Variants in TTC39C observed in about 807,000 individuals in gnomAD.
TTC39C encodes tetratricopeptide repeat protein 39C.
In TTC39C, 33 loss-of-function variants were observed where a neutral mutation model predicts 76.3. That is an observed-to-expected ratio of 0.43 (90% confidence interval 0.33 to 0.58). The LOEUF (loss-of-function observed/expected upper bound fraction) is 0.58, where lower values mean the gene tolerates loss of function less well. Ranked by LOEUF, TTC39C falls within the 20% of genes least tolerant of loss-of-function variation. The probability of loss-of-function intolerance (pLI) is 0.04; values close to 1 mark genes in which losing one functional copy is unlikely to be tolerated. For missense variants in TTC39C, 595 were observed against 701.4 expected (o/e 0.85, Z 1.71); for synonymous variants, 254 against 260.6 (o/e 0.97, Z 0.24).
chr18:24,029,273 T>C (rs928567295), intron 1 of TTC39C, among the ~76,000 whole-genome samples: 1 of 152,128 alleles, frequency 6.6e-6, no homozygotes, highest in Non-Finnish European at 1.5e-5. Context: ...TGGCTAAGTT[T>C]TGTATTTTTA....
chr18:24,021,490 T>C lies in TTC39C; in HGVS notation c.167+6452T>C, dbSNP rs548294541. Among the ~76,000 whole-genome samples the C allele has an allele frequency of 7.2e-5, 11 of 152,144 alleles. No individual in the cohort carries two copies. In the East Asian group the frequency reaches 1.9e-3, roughly 27 times the overall value. ...GTAGGAAGAGAAAGTCATGCCTCCT[T>C]GAAGTGGATTTGATGATTGAGCTGG... On this transcript the variant is annotated intron_variant, in intron 1 of 13. Transcript: ENST00000317571.
intron 1 of TTC39C, among the ~76,000 whole-genome samples, chr18:24,050,563 CAAAAA>C (rs67885761): frequency 1.3e-5 from 1 of 77,104 alleles, no homozygotes; most frequent in Non-Finnish European, 2.4e-5. Flanking sequence ...GACCCTGTCT[CAAAAA>C]AAAAAAAAAA....
chr18:24,091,543 A>G (rs954619426), intron 6 of TTC39C, among the ~76,000 whole-genome samples: 1 of 152,228 alleles, frequency 6.6e-6, no homozygotes, highest in Non-Finnish European at 1.5e-5. Context: ...TGTAAGATCT[A>G]AAACTGTAGA....
chr18:24,044,920 C>T (rs566066821), intron 1 of TTC39C, among the ~76,000 whole-genome samples: 1 of 152,218 alleles, frequency 6.6e-6, no homozygotes, highest in African/African-American at 2.4e-5. Flanking sequence ...CCTTGCTAGT[C>T]TAAGTGTGCT....
chr18:24,069,077 T>C (rs2084204487), intron 3 of TTC39C, 80 bp from the exon 4 acceptor site: 1 of 1,184,114 alleles, frequency 8.4e-7, no homozygotes, highest in Non-Finnish European at 1.2e-6. Flanking sequence ...AATTATCTTG[T>C]ACAATAACCT....
chr18:24,114,531 T>C (rs2084866839), intron 6 of TTC39C, 23 bp from the exon 7 acceptor site: 2 of 1,565,658 alleles, frequency 1.3e-6, no homozygotes, highest in Non-Finnish European at 1.8e-6. Context: ...TAGCTGGTAA[T>C]TCTGTTTTCC....
chr18:23,999,704 G>C (rs928815559), intron 1 of TTC39C, among the ~76,000 whole-genome samples: 78 of 152,212 alleles, frequency 5.1e-4, no homozygotes, highest in Non-Finnish European at 2.4e-4. Flanking sequence ...CACCCTGTGG[G>C]GAAGCAGCAT....
chr18:24,106,435 G>A (rs1476625891), intron 6 of TTC39C, among the ~76,000 whole-genome samples: 1 of 151,338 alleles, frequency 6.6e-6, no homozygotes, highest in East Asian at 2.0e-4. Flanking sequence ...ACTCTCAGGG[G>A]AGGCTGCAGG....
At chr18:24,101,703 G>C (rs1318374875) in intron 6 of TTC39C, among the ~76,000 whole-genome samples, 1 of 152,142 alleles carries the variant, frequency 6.6e-6, no homozygotes, top group East Asian at 1.9e-4. Flanking sequence ...CACATATTAG[G>C]TCTTCTCGGC....
chr18:24,079,357 C>T (rs1380224433), intron 4 of TTC39C, among the ~76,000 whole-genome samples: 4 of 152,178 alleles, frequency 2.6e-5, no homozygotes, highest in Non-Finnish European at 5.9e-5. Context: ...AGGGTCCTGA[C>T]AGGGGCCAGT....
chr18:23,997,199 C>T (rs2083268447), intron 1 of TTC39C, among the ~76,000 whole-genome samples: 1 of 151,972 alleles, frequency 6.6e-6, no homozygotes, highest in Non-Finnish European at 1.5e-5. Context: ...GGAAGATTGC[C>T]TGAGGCCAGG....
At chr18:24,014,418 G>C (rs543628697), upstream of TTC39C, 1 of 153,778 alleles carries the variant, frequency 6.5e-6, no homozygotes, top group Non-Finnish European at 1.4e-5. Context: ...TCGGGTCTCC[G>C]GGTCTCGCGT....
Position 24,014,882 on chromosome 18 carries a change from C to G in TTC39C, c.11C>G (p.Ser4Trp), listed in dbSNP as rs1461385169. 1 of 1,424,078 alleles carries G rather than the reference C, an allele frequency of 7.0e-7. No homozygotes were observed. Among genetic ancestry groups the G allele is most frequent in the Non-Finnish European group, 9.2e-7 (1 of 1,091,138 alleles). 88.2% of individuals were successfully genotyped at this position (1,424,078 alleles called of 1,614,324 possible). A position where few individuals can be genotyped will look rare whatever the true frequency, so the allele number is the denominator to read the frequency against. The change falls in exon 1 of 14, where the codon TCG (serine) becomes TGG (tryptophan). Residue 4 changes from serine (S) to tryptophan (W), a missense_variant. Physicochemically the swap from Ser to Trp is radical, Grantham distance 177. Coordinates refer to ENST00000317571, the MANE Select transcript of TTC39C (RefSeq NM_001135993.2). Reference sequence around the variant, plus strand: ...GGGCCTCGCACGCCCATGGCCGGCTCGGAGCAGCAGCGGCCGCGGCGGCGG... The same window carrying G: ...GGGCCTCGCACGCCCATGGCCGGCTGGGAGCAGCAGCGGCCGCGGCGGCGG... MAG[S>W]EQQRPRRRDD...
At chr18:24,044,569 G>A (rs1368413961) in intron 1 of TTC39C, among the ~76,000 whole-genome samples, 3 of 152,174 alleles carry the variant, frequency 2.0e-5, no homozygotes, top group Non-Finnish European at 2.9e-5. Context: ...GGAGGTTGGT[G>A]TGACAGGAAC....
chr18:24,085,507 T>A (rs1007799014), intron 6 of TTC39C, among the ~76,000 whole-genome samples: 1 of 152,248 alleles, frequency 6.6e-6, no homozygotes, highest in Non-Finnish European at 1.5e-5. Flanking sequence ...CTAATTCCTA[T>A]AGAGGATTGA....
At chr18:24,046,045 T>C (rs1438345436) in intron 1 of TTC39C, among the ~76,000 whole-genome samples, 3 of 145,742 alleles carry the variant, frequency 2.1e-5, no homozygotes, top group Non-Finnish European at 4.5e-5. Context: ...TTCACGCCAT[T>C]CTCCTGTCTC....
chr18:24,045,913 A>ATTT (rs1215323392), intron 1 of TTC39C, among the ~76,000 whole-genome samples: 1 of 41,406 alleles, frequency 2.4e-5, no homozygotes, highest in African/African-American at 1.3e-4. Context: ...ATATATATAT[A>ATTT]TATATATATA....
chr18:24,132,704 A>G lies in TTC39C; in HGVS notation c.*130A>G. The G allele has an allele frequency of 1.6e-6, 1 of 627,176 alleles. No individual in the cohort carries two copies. The allele number at this position is 627,176 out of a possible 1,614,324, so 38.9% of individuals were successfully genotyped here. On this transcript the variant is annotated 3_prime_UTR_variant, in exon 14 of 14. Coordinates refer to ENST00000317571, the MANE Select transcript of TTC39C (RefSeq NM_001135993.2). ...ACCTGTGCCAGGGACACATTTTCCC[A>G]GTTAAGCTGACATATTAAAGATCTC... is the stretch of plus-strand genomic sequence containing the variant.
At chr18:24,087,071 A>C (rs1367523942) in intron 6 of TTC39C, among the ~76,000 whole-genome samples, 2 of 152,194 alleles carry the variant, frequency 1.3e-5, no homozygotes, top group East Asian at 3.8e-4. Context: ...TCCACAATGC[A>C]AACAATGTTT....
Sources: allele counts gnomAD v4.1 joint callset (sites outside exome capture counted in the v4.1 genomes callset), GRCh38; gene constraint gnomAD v4.1.1; transcripts MANE v1.5; gene names NCBI Gene and HGNC (gene_info 2026-07-23, HGNC 2026-07-21).